The following MED12L variants were observed in gnomAD, a reference collection of about 807,000 sequenced individuals.
MED12L encodes mediator of RNA polymerase II transcription subunit 12-like protein.
In MED12L, 60 loss-of-function variants were observed where a neutral mutation model predicts 281.3. That is an observed-to-expected ratio of 0.21 (90% confidence interval 0.17 to 0.26). The LOEUF (loss-of-function observed/expected upper bound fraction) is 0.26, where lower values mean the gene tolerates loss of function less well. Among genes scored for constraint, MED12L ranks in the 10% least tolerant of loss-of-function variants. The probability of loss-of-function intolerance (pLI) is 1.00; values close to 1 mark genes in which losing one functional copy is unlikely to be tolerated. For synonymous variants in MED12L, 974 were observed against 987.2 expected (o/e 0.99, Z 0.25); for missense variants, 2,146 against 2,680.9 (o/e 0.80, Z 4.41).
At chr3:151,403,347 A>G (rs949774403) in intron 39 of MED12L, among the ~76,000 whole-genome samples, 2 of 152,220 alleles carry the variant, frequency 1.3e-5, no homozygotes, top group African/African-American at 4.8e-5. Flanking sequence ...GAACCTGTCT[A>G]TTCCTGAGCT....
At position 151,387,990 on chromosome 3, in the gene MED12L, A is replaced by C; in HGVS notation, c.5269A>C (p.Ser1757Arg). The change falls in exon 37 of 45, where the codon AGT becomes CGT. Residue 1757 changes from serine to arginine, a missense_variant. Ser to Arg is a moderately radical substitution (Grantham distance 110). This residue lies in a region of MED12L where 496 missense variants were observed against 512.0 expected (regional missense o/e 0.97). Coordinates refer to ENST00000687756, the MANE Select transcript of MED12L (RefSeq NM_001393769.1). The stretch of plus-strand genomic sequence containing the variant: ...CACACACCCCATGCCCAAGCCCCGC[A>C]GTTACTACCTCCAGCCACTGCCCCT... ...YHTHPMPKPR[S>R]YYLQPLPLPP... 2 of 1,614,076 alleles carry C rather than the reference A, an allele frequency of 1.2e-6. No individual in the cohort carries two copies. The highest frequency in any genetic ancestry group is 1.7e-6 in the Non-Finnish European group (2 of 1,179,998).
intron 5 of MED12L, among the ~76,000 whole-genome samples, chr3:151,152,976 C>T (rs143293335): frequency 6.6e-6 from 1 of 152,338 alleles, no homozygotes; most frequent in East Asian, 1.9e-4. Flanking sequence ...GCAGGTATCC[C>T]AGGCCTGGGA....
intron 17 of MED12L, among the ~76,000 whole-genome samples, chr3:151,354,761 G>C (rs1753704723): frequency 6.6e-6 from 1 of 152,162 alleles, no homozygotes; most frequent in Non-Finnish European, 1.5e-5. Flanking sequence ...AATTACCTCA[G>C]CAACATGAAT....
In MED12L at chr3:151,190,817, G is replaced by A. The variant is rs758803047; in HGVS notation, c.1854G>A (p.Met618Ile). 6 of 1,614,176 alleles carry A rather than the reference G, an allele frequency of 3.7e-6. No individual in the cohort carries two copies. The highest frequency in any genetic ancestry group is 5.1e-6 in the Non-Finnish European group (6 of 1,180,030). The change falls in exon 14 of 45, where the codon ATG becomes ATA. Residue 618 changes from methionine to isoleucine, a missense_variant. Coordinates refer to ENST00000687756, the MANE Select transcript of MED12L (RefSeq NM_001393769.1). ...ATGTCTTCTCCCATGACGCATACAT[G>A]TGTACCCTCATATCTCGAGGAGATT... The part of the protein sequence containing the change: ...RHDVFSHDAY[M>I]CTLISRGDLS...
At chr3:151,216,593 A>G (rs577550828) in intron 16 of MED12L, among the ~76,000 whole-genome samples, 33 of 152,290 alleles carry the variant, frequency 2.2e-4, no homozygotes, top group African/African-American at 6.3e-4. Context: ...TTGCCAGTCT[A>G]TGGACTTCCT....
At chr3:151,343,629 A>AC (rs552192211) in intron 16 of MED12L, among the ~76,000 whole-genome samples, 286 of 151,948 alleles carry the variant, frequency 1.9e-3, no homozygotes, top group African/African-American at 6.3e-3. Flanking sequence ...AATAACATCA[A>AC]CACATACAGT....
intron 2 of MED12L, among the ~76,000 whole-genome samples, chr3:151,098,207 G>A (rs1720968860): frequency 6.6e-6 from 1 of 152,178 alleles, no homozygotes; most frequent in African/African-American, 2.4e-5. Flanking sequence ...CCATTCAAGG[G>A]TGATAAGGGA....
At chr3:151,398,778 T>C (rs1481786016) in intron 39 of MED12L, among the ~76,000 whole-genome samples, 1 of 152,232 alleles carries the variant, frequency 6.6e-6, no homozygotes, top group Non-Finnish European at 1.5e-5. Flanking sequence ...CAGTGATTGC[T>C]GAAACCACAG....
In MED12L at chr3:151,357,282, A is replaced by G. The variant is rs762301277; in HGVS notation, c.2731A>G (p.Thr911Ala). Residue 911 changes from threonine to alanine, a missense_variant, in exon 20 of 45, where the codon ACA (threonine) becomes GCA (alanine). By Grantham distance (58) the Thr-to-Ala change is moderately conservative. Around this residue, in one of 9 missense-constraint regions of MED12L, gnomAD observed 404 missense variants for 603.5 expected, o/e 0.67. Coordinates refer to ENST00000687756, the MANE Select transcript of MED12L (RefSeq NM_001393769.1). ...LKSSSLAGSY[T>A]TGLCVCIVAV... ...ATCCTCCAGCCTGGCAGGAAGTTAT[A>G]CAACAGGACTGTGTGTCTGCATCGT... The G allele has an allele frequency of 5.6e-6, 9 of 1,613,604 alleles. No individual in the cohort carries two copies. The highest frequency in any genetic ancestry group is 1.7e-6 in the Non-Finnish European group (2 of 1,179,708).
At chr3:151,128,066 C>A in intron 5 of MED12L, 82 bp downstream of exon 5, 2 of 1,251,796 alleles carry the variant, frequency 1.6e-6, no homozygotes, top group Non-Finnish European at 2.3e-6. Flanking sequence ...GGATACAGCC[C>A]AGCATGGTGA....
At chr3:151,197,578 G>C (rs931577378) in intron 16 of MED12L, among the ~76,000 whole-genome samples, 3 of 152,174 alleles carry the variant, frequency 2.0e-5, no homozygotes, top group Admixed American at 6.5e-5. Flanking sequence ...CAGTGTATCT[G>C]TTTTATAAAG....
chr3:151,264,394 T>C (rs907128408), intron 16 of MED12L, among the ~76,000 whole-genome samples: 14 of 152,240 alleles, frequency 9.2e-5, no homozygotes, highest in Admixed American at 9.2e-4. Flanking sequence ...AGTAGGAGTG[T>C]ATTTTGTCAG....
At chr3:151,297,742 T>C (rs1745298181) in intron 16 of MED12L, among the ~76,000 whole-genome samples, 1 of 152,100 alleles carries the variant, frequency 6.6e-6, no homozygotes, top group South Asian at 2.1e-4. Flanking sequence ...ATTTTAAAGT[T>C]TAATTATATG....
chr3:151,339,122 G>A (rs1751448074), intron 16 of MED12L, among the ~76,000 whole-genome samples: 1 of 152,030 alleles, frequency 6.6e-6, no homozygotes, highest in Admixed American at 6.6e-5. Flanking sequence ...TTGAATGTTT[G>A]CCTCTTAAAG....
chr3:151,329,436 T>C (rs1750096036), intron 16 of MED12L: 1 of 1,281,522 alleles, frequency 7.8e-7, no homozygotes, highest in Admixed American at 2.2e-5. Context: ...AGCATATTCT[T>C]TTATATAAGC....
At chr3:151,274,762 A>T (rs960902191) in intron 16 of MED12L, among the ~76,000 whole-genome samples, 2 of 152,170 alleles carry the variant, frequency 1.3e-5, no homozygotes, top group Non-Finnish European at 2.9e-5. Flanking sequence ...AATGACTATC[A>T]ATTCCTAGGA....
chr3:151,432,365 T>G (rs1719635537), intron 44 of MED12L, among the ~76,000 whole-genome samples: 1 of 152,238 alleles, frequency 6.6e-6, no homozygotes, highest in African/African-American at 2.4e-5. Flanking sequence ...TCCAATCTAA[T>G]TTTTTCTTAC....
chr3:151,351,204 G>A (rs1753200379), intron 17 of MED12L, among the ~76,000 whole-genome samples: 1 of 152,156 alleles, frequency 6.6e-6, no homozygotes. Flanking sequence ...CTTTACTAGA[G>A]AAAAATACAG....
At chr3:151,324,079 T>G (rs969834356) in intron 16 of MED12L, among the ~76,000 whole-genome samples, 11 of 152,168 alleles carry the variant, frequency 7.2e-5, no homozygotes, top group Admixed American at 5.9e-4. Context: ...CCTTCCTGGG[T>G]TTCAGTCCCA....
Sources: allele counts gnomAD v4.1 joint callset (sites outside exome capture counted in the v4.1 genomes callset), GRCh38; gene constraint gnomAD v4.1.1; regional missense constraint gnomAD v4.1.1; transcripts MANE v1.5; gene names NCBI Gene and HGNC (gene_info 2026-07-23, HGNC 2026-07-21).